Variants in KMT2C observed in about 807,000 individuals in gnomAD.
KMT2C encodes the protein lysine methyltransferase 2C, also known as histone-lysine N-methyltransferase 2C.
A neutral mutation model predicts 507.9 loss-of-function variants in KMT2C; 88 were observed. The ratio of observed to expected loss-of-function variants is 0.17; its 90% CI spans 0.15 to 0.21. The LOEUF is 0.21. Among genes scored for constraint, KMT2C ranks in the 10% least tolerant of loss-of-function variants. KMT2C has a pLI of 1.00. For missense variants in KMT2C, 4,954 were observed against 5,957.8 expected (o/e 0.83, Z 5.55); for synonymous variants, 2,049 against 2,080.8 (o/e 0.98, Z 0.42).
intron 40 of KMT2C, among the ~76,000 whole-genome samples, chr7:152,170,959 G>GT (rs1466073572): frequency 6.6e-6 from 1 of 152,112 alleles, no homozygotes. Context: ...CTTTTTACCC[G>GT]TAAGTATATA....
At chr7:152,232,146 T>C (rs1303993542) in intron 16 of KMT2C, among the ~76,000 whole-genome samples, 1 of 152,176 alleles carries the variant, frequency 6.6e-6, no homozygotes, top group African/African-American at 2.4e-5. Context: ...CCCAAAGTGC[T>C]GGGATTACAG....
intron 31 of KMT2C, among the ~76,000 whole-genome samples, chr7:152,191,915 G>A (rs1045758346): frequency 1.3e-5 from 2 of 151,792 alleles, no homozygotes; most frequent in African/African-American, 2.4e-5. Flanking sequence ...GGCTGTACTT[G>A]AATTATACTG....
intron 2 of KMT2C, among the ~76,000 whole-genome samples, chr7:152,333,320 T>C (rs1470786659): frequency 6.6e-6 from 1 of 151,948 alleles, no homozygotes; most frequent in Non-Finnish European, 1.5e-5. Flanking sequence ...GAGATGGGGG[T>C]CTCACTATGT....
intron 2 of KMT2C, among the ~76,000 whole-genome samples, chr7:152,342,243 T>C (rs538484277): frequency 3.9e-5 from 6 of 152,336 alleles, no homozygotes; most frequent in Non-Finnish European, 7.3e-5. Context: ...GGCAGTATGA[T>C]AGACATCATT....
rs1447592416 is a variant in KMT2C at position 152,162,196 on chromosome 7, G to C, written c.11381C>G (p.Pro3794Arg). 6 of 1,613,404 alleles carry C rather than the reference G, an allele frequency of 3.7e-6. No individual in the cohort carries two copies. Among genetic ancestry groups the C allele is most frequent in the Admixed American group, 1.7e-5 (1 of 59,938 alleles). ...ATCTTCTGAACAAATACTGCCCTCA[G>C]GTTTTTGATTCAAAAGAGAAGATGA... The part of the protein sequence containing the change: ...KKSSSLLNQK[P>R]EGSICSEDDC... Residue 3794 changes from proline to arginine, a missense_variant, in exon 43 of 59, where the codon CCT (proline) becomes CGT (arginine). By Grantham distance (103) the Pro-to-Arg change is moderately radical (BLOSUM62 -2). Coordinates refer to ENST00000262189, the MANE Select transcript of KMT2C (RefSeq NM_170606.3).
intron 7 of KMT2C, among the ~76,000 whole-genome samples, chr7:152,269,444 T>C (rs1348187104): frequency 2.0e-5 from 3 of 152,332 alleles, no homozygotes; most frequent in Admixed American, 6.5e-5. Context: ...TACAAGATTA[T>C]CGATACTACT....
rs527687578 is a variant in KMT2C, at chr7:152,220,938, G to C, written c.3500-203C>G. ...GTCAAATTTCCTTGGATTACAGGCA[G>C]AAAGGTTGCATGTTTTTAAAAAATG... On this transcript the variant is annotated intron_variant, in intron 22 of 58. Transcript: ENST00000262189. 3.9e-5 allele frequency among the ~76,000 whole-genome samples: 6 copies of C among 152,292 alleles called. No homozygotes were observed. The East Asian group carries it at 1.2e-3, about 29-fold the overall frequency.
chr7:152,336,447 G>A (rs544618591), intron 2 of KMT2C, among the ~76,000 whole-genome samples: 10 of 152,164 alleles, frequency 6.6e-5, no homozygotes, highest in African/African-American at 1.7e-4. Flanking sequence ...GTCAACCAGG[G>A]ATCCAACCAG....
At chr7:152,151,146 A>G in intron 50 of KMT2C, 139 bp from the exon 51 acceptor site, 2 of 645,422 alleles carry the variant, frequency 3.1e-6, no homozygotes, top group Non-Finnish European at 5.2e-6. Context: ...CTATGTTCCA[A>G]TATTTAGCAT....
rs1376265715 is a variant in KMT2C at position 152,302,008 on chromosome 7, T to A, written c.849+7958A>T. Among the ~76,000 whole-genome samples, 5 of 152,260 alleles carry A rather than the reference T, an allele frequency of 3.3e-5. No individual in the cohort carries two copies. In the East Asian group the frequency reaches 5.8e-4, roughly 18 times the overall value. ...CTTAATGTGAATTGCCACCTTACTA[T>A]AGGAAGGCTATTTTTGTTTCTGCAG... On this transcript the variant is annotated intron_variant, in intron 6 of 58. Coordinates refer to ENST00000262189, the MANE Select transcript of KMT2C (RefSeq NM_170606.3).
intron 23 of KMT2C, among the ~76,000 whole-genome samples, chr7:152,217,184 C>G (rs531662055): frequency 6.6e-6 from 1 of 151,872 alleles, no homozygotes; most frequent in Non-Finnish European, 1.5e-5. Context: ...CAGAAAAGGG[C>G]AGTGTTATTA....
At position 152,145,155 on chromosome 7, in the gene KMT2C, T is replaced by C. The variant is rs1341336811; in HGVS notation, c.14172A>G (p.Leu4724=). The C allele has an allele frequency of 1.2e-6, 2 of 1,613,632 alleles. No homozygotes were observed. Among genetic ancestry groups the C allele is most frequent in the African/African-American group, 1.3e-5 (1 of 74,880 alleles). ...TATGTGAAGTTAAAACAAAATACCTTAACACAAACCTCTTGACATGGGCAC... is the reference window on the plus strand; with the variant it reads ...TATGTGAAGTTAAAACAAAATACCTCAACACAAACCTCTTGACATGGGCAC... ...KMSAHVKRFV[L]RPHTLNSTST... The change falls in exon 54 of 59, where the codon TTA becomes TTG. Residue 4724 remains leucine, a splice_region_variant and synonymous_variant. Transcript: ENST00000262189.
chr7:152,367,094 C>T (rs2097253460), intron 1 of KMT2C: 1 of 821,302 alleles, frequency 1.2e-6, no homozygotes, highest in Non-Finnish European at 2.0e-6. Context: ...CATTTTTATC[C>T]AGAGAAGGAA....
intron 6 of KMT2C, among the ~76,000 whole-genome samples, chr7:152,304,016 C>A (rs902655734): frequency 1.3e-5 from 2 of 151,930 alleles, no homozygotes; most frequent in East Asian, 3.9e-4. Context: ...AGAGAGAAGA[C>A]ATACATATTC....
chr7:152,219,111 A>G (rs1249329626), intron 23 of KMT2C, among the ~76,000 whole-genome samples: 1 of 152,004 alleles, frequency 6.6e-6, no homozygotes, highest in East Asian at 1.9e-4. Context: ...CTGGGATTAC[A>G]GGTGCATGCC....
chr7:152,410,607 A>G (rs79538110), intron 1 of KMT2C, among the ~76,000 whole-genome samples: 3 of 146,850 alleles, frequency 2.0e-5, no homozygotes, highest in Non-Finnish European at 4.5e-5. Context: ...TTAAGTTTTA[A>G]TTTATATATA....
chr7:152,309,579 G>A (rs1226327422), intron 6 of KMT2C, among the ~76,000 whole-genome samples: 1 of 145,244 alleles, frequency 6.9e-6, no homozygotes, highest in Non-Finnish European at 1.5e-5. Flanking sequence ...GAGTGCAATG[G>A]CGCAATCTTG....
At chr7:152,301,376 G>T (rs558458128) in intron 6 of KMT2C, among the ~76,000 whole-genome samples, 280 of 151,760 alleles carry the variant, frequency 1.8e-3, no homozygotes, top group Non-Finnish European at 3.3e-3. Context: ...GGGCATGGTG[G>T]TGGGCACCTG....
At chr7:152,261,051 A>G (rs1410153219) in intron 9 of KMT2C, among the ~76,000 whole-genome samples, 1 of 152,306 alleles carries the variant, frequency 6.6e-6, no homozygotes, top group Non-Finnish European at 1.5e-5. Flanking sequence ...ACAGCCAAGC[A>G]TTTCAATTAC....
Sources: allele counts gnomAD v4.1 joint callset (sites outside exome capture counted in the v4.1 genomes callset), GRCh38; gene constraint gnomAD v4.1.1; transcripts MANE v1.5; gene names NCBI Gene and HGNC (gene_info 2026-07-23, HGNC 2026-07-21).